GIGYF2: variants seen among roughly 807,000 people sequenced by gnomAD.
The protein encoded by GIGYF2 is GRB10 interacting GYF protein 2, also known as GRB10-interacting GYF protein 2.
A neutral mutation model predicts 208.1 loss-of-function variants in GIGYF2; 25 were observed. The observed-to-expected ratio is 0.12, with a 90% CI of 0.09 to 0.17. The LOEUF is 0.17. Ranked by LOEUF, GIGYF2 falls within the 10% of genes least tolerant of loss-of-function variation. The pLI is 1.00. For synonymous variants in GIGYF2, 534 were observed against 543.8 expected, an observed-to-expected ratio of 0.98 and a Z score of 0.25; for missense variants, 1,302 against 1,579.4, an observed-to-expected ratio of 0.82 and a Z score of 2.98.
At chr2:232,770,944 A>G (rs1283588724) in intron 8 of GIGYF2, 3 of 1,614,046 alleles carry the variant, frequency 1.9e-6, no homozygotes, top group East Asian at 2.2e-5. Context: ...GAGCATTTGT[A>G]TGGCAAGTAA....
intron 16 of GIGYF2, chr2:232,810,858 G>A (rs1359968430): frequency 1.3e-5 from 3 of 227,432 alleles, no homozygotes; most frequent in African/African-American, 2.3e-5. Context: ...CAAAGGGTAC[G>A]TCATATGGTT....
chr2:232,847,089 C>T (rs1275291670), intron 26 of GIGYF2, among the ~76,000 whole-genome samples: 1 of 152,132 alleles, frequency 6.6e-6, no homozygotes, highest in African/African-American at 2.4e-5. Flanking sequence ...ATTACTTCAG[C>T]CTTAGTCAAG....
intron 21 of GIGYF2, among the ~76,000 whole-genome samples, chr2:232,827,786 C>A (rs761288797): frequency 6.6e-6 from 1 of 152,012 alleles, no homozygotes; most frequent in Non-Finnish European, 1.5e-5. Flanking sequence ...AATTTTAAAC[C>A]TTTCTTCCTT....
At chr2:232,778,072 C>G (rs886903162) in intron 8 of GIGYF2, among the ~76,000 whole-genome samples, 1 of 151,876 alleles carries the variant, frequency 6.6e-6, no homozygotes, top group African/African-American at 2.4e-5. Flanking sequence ...TCATCCCCCA[C>G]CCCCTGCAGT....
intron 8 of GIGYF2, chr2:232,771,518 C>A (rs1013102981): frequency 3.6e-6 from 2 of 555,998 alleles, no homozygotes; most frequent in Non-Finnish European, 3.2e-6. Context: ...TTTCTCTTCA[C>A]GTTAGATGGC....
Position 232,791,242 on chromosome 2 carries a change from T to C in GIGYF2, c.1094-16T>C, listed in dbSNP as rs778000315. 1.9e-6 allele frequency: 3 copies of C among 1,614,048 alleles called. No individual in the cohort carries two copies. The Admixed American group carries it at 5.0e-5, about 27-fold the overall frequency. ...AAAACTTTCGTAAGTTCAACTAAGA[T>C]TACTTCGTGTTCCAGAAGCTAGTGA... On this transcript the variant is annotated splice_polypyrimidine_tract_variant and intron_variant, in intron 11 of 28. Coordinates refer to ENST00000373563, the MANE Select transcript of GIGYF2 (RefSeq NM_001103146.3).
At chr2:232,763,946 C>T (rs965140572) in intron 8 of GIGYF2, among the ~76,000 whole-genome samples, 4 of 151,976 alleles carry the variant, frequency 2.6e-5, no homozygotes, top group East Asian at 3.9e-4. Flanking sequence ...GTGGATAAGG[C>T]GGGATTACTG....
At chr2:232,735,831 C>T (rs895708586) in intron 3 of GIGYF2, 2 of 985,046 alleles carry the variant, frequency 2.0e-6, no homozygotes, top group Non-Finnish European at 2.4e-6. Context: ...GTGTGGCTTC[C>T]CCCCCTCCCC....
intron 22 of GIGYF2, 162 bp downstream of exon 22, chr2:232,833,255 C>A: frequency 3.3e-6 from 1 of 300,186 alleles, no homozygotes; most frequent in Non-Finnish European, 5.8e-6. Context: ...TCACTCCCAT[C>A]ACCCAGGCTG....
chr2:232,704,882 CAG>C (rs1462761373), intron 2 of GIGYF2, among the ~76,000 whole-genome samples: 3 of 30,086 alleles, frequency 1.0e-4, no homozygotes, highest in Non-Finnish European at 1.4e-4. Context: ...TTTTTTGAGA[CAG>C]AGTCTCGCTC....
rs538135293 is a variant in GIGYF2 at position 232,790,924 on chromosome 2, C to T, written c.930+9C>T. 6.8e-6 allele frequency: 11 copies of T among 1,612,640 alleles called. No homozygotes were observed. The highest frequency in any genetic ancestry group is 4.0e-5 in the African/African-American group (3 of 74,842). On this transcript the variant is annotated intron_variant, in intron 10 of 28. Transcript: ENST00000373563. Reference sequence around the variant, plus strand: ...CATTCCTTTCTCTAAAAGTAAGAAACGTGTTTTAAATGTCATGACCAGCAT... The same window carrying T: ...CATTCCTTTCTCTAAAAGTAAGAAATGTGTTTTAAATGTCATGACCAGCAT...
In GIGYF2 at chr2:232,850,417, C is replaced by T. The variant is rs371261138; in HGVS notation, c.3832+8C>T. The T allele has an allele frequency of 4.5e-5, 72 of 1,612,524 alleles. No individual in the cohort carries two copies. Among genetic ancestry groups the T allele is most frequent in the Middle Eastern group, 1.7e-4 (1 of 6,056 alleles). On this transcript the variant is annotated splice_region_variant and intron_variant, in intron 28 of 28. Transcript: ENST00000373563. The stretch of plus-strand genomic sequence containing the variant: ...CAGATCCCAGTTTATTAGGTGAGCA[C>T]GGTCCTAGTCTCAGCTGAGTGTTGG...
At chr2:232,825,494 G>C (rs1427479712) in intron 21 of GIGYF2, among the ~76,000 whole-genome samples, 1 of 152,178 alleles carries the variant, frequency 6.6e-6, no homozygotes, top group Non-Finnish European at 1.5e-5. Context: ...CAGAAGTAGA[G>C]CCTGAAGATG....
chr2:232,811,182 A>G (rs1366726645), intron 16 of GIGYF2, 62 bp from the exon 17 acceptor site: 3 of 858,502 alleles, frequency 3.5e-6, no homozygotes, highest in South Asian at 1.3e-5. Flanking sequence ...GTCTTTCAGC[A>G]TCTCAGCCAT....
intron 2 of GIGYF2, among the ~76,000 whole-genome samples, chr2:232,709,990 TG>T (rs201396188): frequency 0.021 from 3,265 of 151,928 alleles, 124 homozygotes; most frequent in African/African-American, 0.074. Flanking sequence ...GATGGAGTCT[TG>T]CTTTGTCGCC....
chr2:232,819,918 G>C lies in GIGYF2; in HGVS notation c.2462G>C (p.Arg821Thr). 1.3e-6 allele frequency: 2 copies of C among 1,579,254 alleles called. No homozygotes were observed. The highest frequency in any genetic ancestry group is 1.7e-6 in the Non-Finnish European group (2 of 1,148,422). The change falls in exon 21 of 29, where the codon AGA becomes ACA. Residue 821 changes from arginine (R) to threonine (T), a missense_variant. Around this residue, in one of 8 missense-constraint regions of GIGYF2, gnomAD observed 701 missense variants for 793.0 expected, o/e 0.88. Transcript: ENST00000373563. ...AGACAGCAGCAAGAAGAAGCTCTTA[G>C]AAGACTGGAAGAGAGGAGAAGAGAA... ...EERQQQEEAL[R>T]RLEERRREEE... is the part of the protein sequence containing the mutation.
chr2:232,753,691 C>T (rs531469527), intron 5 of GIGYF2, among the ~76,000 whole-genome samples: 7 of 152,090 alleles, frequency 4.6e-5, no homozygotes, highest in African/African-American at 1.7e-4. Context: ...ATAAAAATAT[C>T]CCTGTCTACA....
intron 20 of GIGYF2, 33 bp from the exon 21 acceptor site, chr2:232,819,794 C>T (rs201462381): frequency 1.2e-5 from 3 of 246,360 alleles, no homozygotes; most frequent in Middle Eastern, 1.1e-3. Flanking sequence ...TGAGTCCCTC[C>T]CCCACCCCCC....
intron 2 of GIGYF2, among the ~76,000 whole-genome samples, chr2:232,704,481 T>G (rs1695996648): frequency 6.6e-6 from 1 of 152,108 alleles, no homozygotes; most frequent in African/African-American, 2.4e-5. Flanking sequence ...GTCAGCTCAC[T>G]GCAGCTTCTG....
Sources: allele counts gnomAD v4.1 joint callset (sites outside exome capture counted in the v4.1 genomes callset), GRCh38; gene constraint gnomAD v4.1.1; regional missense constraint gnomAD v4.1.1; transcripts MANE v1.5; gene names NCBI Gene and HGNC (gene_info 2026-07-23, HGNC 2026-07-21).